The following THSD7B variants were observed in gnomAD, a reference collection of about 807,000 sequenced individuals.
THSD7B encodes the protein thrombospondin type 1 domain containing 7B.
A neutral mutation model predicts 213.6 loss-of-function variants in THSD7B; 138 were observed. The observed-to-expected ratio is 0.65, with a 90% CI of 0.56 to 0.74. The LOEUF (loss-of-function observed/expected upper bound fraction) is 0.74, where lower values mean the gene tolerates loss of function less well. Ranked by LOEUF, THSD7B falls within the 30% of genes least tolerant of loss-of-function variation. The pLI, the probability that THSD7B is intolerant of heterozygous loss-of-function variation, is 0.00. For missense variants in THSD7B, 1,931 were observed against 1,991.5 expected (o/e 0.97, Z 0.58); for synonymous variants, 742 against 687.0 (o/e 1.08, Z -1.25).
At chr2:137,058,776 G>A (rs775385459) in intron 3 of THSD7B, among the ~76,000 whole-genome samples, 18 of 152,076 alleles carry the variant, frequency 1.2e-4, no homozygotes, top group African/African-American at 3.6e-4. Flanking sequence ...GGATTAGTGC[G>A]CCATGAGAGC....
intron 7 of THSD7B, among the ~76,000 whole-genome samples, chr2:137,211,796 T>A (rs941378205): frequency 6.6e-6 from 1 of 152,114 alleles, no homozygotes; most frequent in Non-Finnish European, 1.5e-5. Context: ...TTTCAAAGTG[T>A]CTTTCATGGC....
At chr2:137,121,454 G>A (rs1688545267) in intron 5 of THSD7B, among the ~76,000 whole-genome samples, 1 of 152,296 alleles carries the variant, frequency 6.6e-6, no homozygotes, top group African/African-American at 2.4e-5. Context: ...AAGTTAACAT[G>A]ACTAAACTGA....
At chr2:137,237,512 G>A (rs541213097) in intron 9 of THSD7B, among the ~76,000 whole-genome samples, 18 of 152,238 alleles carry the variant, frequency 1.2e-4, no homozygotes, top group African/African-American at 4.1e-4. Flanking sequence ...GGATTTTTAA[G>A]GCACGATACA....
At chr2:136,857,492 T>A (rs73957583) in intron 1 of THSD7B, among the ~76,000 whole-genome samples, 2,255 of 152,354 alleles carry the variant, frequency 0.015, 61 homozygotes, top group African/African-American at 0.051. Flanking sequence ...AGGCATCCCG[T>A]CTTTTCTCTC....
chr2:137,228,017 G>T (rs1256593890), intron 7 of THSD7B, among the ~76,000 whole-genome samples: 1 of 152,114 alleles, frequency 6.6e-6, no homozygotes, highest in African/African-American at 2.4e-5. Flanking sequence ...TCCTACAAAT[G>T]AAATAATTGA....
chr2:136,933,725 C>G (rs1426028838), intron 2 of THSD7B, among the ~76,000 whole-genome samples: 1 of 151,842 alleles, frequency 6.6e-6, no homozygotes. Flanking sequence ...GTTCCCTGTC[C>G]CCCCATCCTT....
At chr2:137,230,131 T>C (rs1243305928) in intron 7 of THSD7B, among the ~76,000 whole-genome samples, 1 of 152,198 alleles carries the variant, frequency 6.6e-6, no homozygotes, top group East Asian at 1.9e-4. Context: ...AAGAGGAATA[T>C]TTGAATTCTA....
At chr2:136,904,235 C>A (rs1345224391) in intron 2 of THSD7B, among the ~76,000 whole-genome samples, 1 of 152,092 alleles carries the variant, frequency 6.6e-6, no homozygotes, top group African/African-American at 2.4e-5. Flanking sequence ...GGTATCCTGG[C>A]AGTGGCAGAG....
intron 1 of THSD7B, among the ~76,000 whole-genome samples, chr2:136,877,315 A>T (rs1416283940): frequency 6.6e-6 from 1 of 152,180 alleles, no homozygotes; most frequent in African/African-American, 2.4e-5. Context: ...GTGACAAGTC[A>T]TATTCTTGGA....
chr2:136,995,831 A>G (rs1280176784), intron 2 of THSD7B, among the ~76,000 whole-genome samples: 1 of 152,148 alleles, frequency 6.6e-6, no homozygotes, highest in Non-Finnish European at 1.5e-5. Context: ...ATATGGAAAC[A>G]TATTTCTCTG....
rs768450248 is a variant in THSD7B, at chr2:137,095,020, G to A, written c.1098G>A (p.Arg366=). 6.2e-7 allele frequency: 1 copy of A among 1,613,856 alleles called. No individual in the cohort carries two copies. Among genetic ancestry groups the A allele is most frequent in the Non-Finnish European group, 8.5e-7 (1 of 1,179,854 alleles). The change falls in exon 4 of 28, where the codon CGG becomes CGA. Residue 366 remains arginine, a synonymous_variant. Coordinates refer to ENST00000409968, the MANE Select transcript of THSD7B (RefSeq NM_001316349.2). Reference sequence around the variant, plus strand: ...TGCCAGGATTTAGGAGCAGGAGCCGGAACGTGAAGCACATGGCTATTGGAG... The same window carrying A: ...TGCCAGGATTTAGGAGCAGGAGCCGAAACGTGAAGCACATGGCTATTGGAG... ...SLLPGFRSRS[R]NVKHMAIGGG...
At chr2:136,890,395 C>CTTCTTCTTCT (rs1558840037) in intron 2 of THSD7B, among the ~76,000 whole-genome samples, 2 of 524 alleles carry the variant, frequency 3.8e-3, no homozygotes, top group African/African-American at 3.8e-3. Context: ...CTTCCTCTTC[C>CTTCTTCTTCT]TCTTCCTCTT....
chr2:137,412,623 A>G, intron 14 of THSD7B, among the ~76,000 whole-genome samples: 1 of 126,328 alleles, frequency 7.9e-6, no homozygotes, highest in South Asian at 3.0e-4. Context: ...AAAAAAAACA[A>G]AAAACAGTTT....
intron 1 of THSD7B, among the ~76,000 whole-genome samples, chr2:136,859,548 C>G (rs1288065631): frequency 6.6e-6 from 1 of 152,008 alleles, no homozygotes; most frequent in East Asian, 1.9e-4. Flanking sequence ...TTACAAAGTT[C>G]CTAGAGATGA....
intron 10 of THSD7B, among the ~76,000 whole-genome samples, chr2:137,244,525 A>G (rs34371844): frequency 0.26 from 39,539 of 152,154 alleles, 5,531 homozygotes; most frequent in East Asian, 0.49. Flanking sequence ...TTTTCCTAGC[A>G]TTGGGTAAAG....
At chr2:136,905,502 A>G (rs1257578096) in intron 2 of THSD7B, among the ~76,000 whole-genome samples, 4 of 152,232 alleles carry the variant, frequency 2.6e-5, no homozygotes, top group South Asian at 4.1e-4. Context: ...ACTAAATACT[A>G]TGCTAAGTGC....
chr2:137,138,139 C>G (rs1196666833), intron 5 of THSD7B, among the ~76,000 whole-genome samples: 1 of 152,152 alleles, frequency 6.6e-6, no homozygotes, highest in Non-Finnish European at 1.5e-5. Context: ...AGTGACCTTT[C>G]TGCCTCAACT....
intron 12 of THSD7B, among the ~76,000 whole-genome samples, chr2:137,282,324 G>T (rs1470447474): frequency 2.6e-5 from 4 of 152,208 alleles, no homozygotes; most frequent in East Asian, 3.9e-4. Context: ...AGATGAGTAG[G>T]TTGCAAAAGT....
chr2:137,406,409 A>C (rs893998823), intron 13 of THSD7B, among the ~76,000 whole-genome samples: 2 of 152,236 alleles, frequency 1.3e-5, no homozygotes, highest in African/African-American at 4.8e-5. Context: ...TGCAGTATGC[A>C]AATAATTGAT....
Sources: allele counts gnomAD v4.1 joint callset (sites outside exome capture counted in the v4.1 genomes callset), GRCh38; gene constraint gnomAD v4.1.1; transcripts MANE v1.5; gene names NCBI Gene and HGNC (gene_info 2026-07-23, HGNC 2026-07-21).